Variants in PARD3B observed in about 807,000 individuals in gnomAD.
The protein encoded by PARD3B is par-3 family cell polarity regulator beta, also known as partitioning defective 3 homolog B.
In PARD3B, 103 loss-of-function variants were observed where a neutral mutation model predicts 130.2. That is an observed-to-expected ratio of 0.79 (90% CI 0.67 to 0.93). The LOEUF (loss-of-function observed/expected upper bound fraction) is 0.93, where lower values mean the gene tolerates loss of function less well. PARD3B is among the 40% of genes least tolerant of loss of function. PARD3B has a pLI of 0.00. For synonymous variants in PARD3B, 583 were observed against 553.2 expected (o/e 1.05, Z -0.76); for missense variants, 1,609 against 1,499.2 (o/e 1.07, Z -1.21).
At chr2:205,393,044 T>C (rs940446121) in intron 18 of PARD3B, among the ~76,000 whole-genome samples, 1 of 152,168 alleles carries the variant, frequency 6.6e-6, no homozygotes, top group Non-Finnish European at 1.5e-5. Context: ...AATGGAACCA[T>C]GTGAGATAAA....
At chr2:204,586,763 A>G (rs1477596587) in intron 1 of PARD3B, among the ~76,000 whole-genome samples, 9 of 152,136 alleles carry the variant, frequency 5.9e-5, no homozygotes, top group Admixed American at 1.3e-4. Context: ...TGTTTTTACT[A>G]TTTGGGAGAT....
chr2:205,184,298 A>T (rs1179254443), intron 13 of PARD3B, among the ~76,000 whole-genome samples: 1 of 152,150 alleles, frequency 6.6e-6, no homozygotes, highest in Admixed American at 6.5e-5. Flanking sequence ...AAGGGTAGAG[A>T]TATTTGTCCC....
rs570846523 is a variant in PARD3B, at chr2:204,754,875, T to C, written c.222+68593T>C. Among the ~76,000 whole-genome samples the C allele has an allele frequency of 4.7e-4, 72 of 152,200 alleles. No individual in the cohort carries two copies. The Middle Eastern group carries it at 0.014, about 29-fold the overall frequency. ...TGTGATTAGTTCAAAATATAATGGCTTTATTATTGAGGATTAAAGAGAGAA... is the reference window on the plus strand; with the variant it reads ...TGTGATTAGTTCAAAATATAATGGCCTTATTATTGAGGATTAAAGAGAGAA... On this transcript the variant is annotated intron_variant, in intron 2 of 22. Transcript: ENST00000406610.
chr2:205,489,506 T>C (rs2049590086), intron 20 of PARD3B, among the ~76,000 whole-genome samples: 2 of 144,128 alleles, frequency 1.4e-5, no homozygotes, highest in Admixed American at 7.1e-5. Flanking sequence ...TGTATATATA[T>C]ATACGTATAT....
At chr2:204,867,847 C>G (rs1190878351) in intron 2 of PARD3B, among the ~76,000 whole-genome samples, 5 of 152,126 alleles carry the variant, frequency 3.3e-5, no homozygotes, top group African/African-American at 9.7e-5. Flanking sequence ...TAATCTTTAA[C>G]TGTTCTTTAA....
chr2:205,139,861 G>T (rs1327491537), intron 10 of PARD3B, among the ~76,000 whole-genome samples: 1 of 152,088 alleles, frequency 6.6e-6, no homozygotes, highest in Non-Finnish European at 1.5e-5. Context: ...AAGGCAAAAA[G>T]CTGCAAACAA....
At chr2:204,971,469 C>T (rs1333041660) in intron 3 of PARD3B, among the ~76,000 whole-genome samples, 2 of 152,180 alleles carry the variant, frequency 1.3e-5, no homozygotes, top group African/African-American at 4.8e-5. Flanking sequence ...TAAAATTACC[C>T]AGAGTTAAAA....
chr2:205,342,907 A>T (rs1227816284), intron 18 of PARD3B, among the ~76,000 whole-genome samples: 1 of 152,180 alleles, frequency 6.6e-6, no homozygotes, highest in East Asian at 1.9e-4. Context: ...CTTTTCTGGA[A>T]TCTCTTTTGT....
chr2:204,878,450 A>G (rs974989560), intron 2 of PARD3B, among the ~76,000 whole-genome samples: 19 of 152,160 alleles, frequency 1.2e-4, no homozygotes, highest in African/African-American at 3.9e-4. Context: ...CTAATCTTAA[A>G]TGGATTCTTT....
chr2:204,791,865 T>C (rs2042217015), intron 2 of PARD3B, among the ~76,000 whole-genome samples: 1 of 152,216 alleles, frequency 6.6e-6, no homozygotes, highest in South Asian at 2.1e-4. Context: ...ACTATTTCTA[T>C]TTGCCTATGT....
intron 18 of PARD3B, among the ~76,000 whole-genome samples, chr2:205,398,436 A>G (rs1417123216): frequency 6.6e-6 from 1 of 152,244 alleles, no homozygotes; most frequent in Non-Finnish European, 1.5e-5. Context: ...AAAGAGAGAA[A>G]AGGACAAAAA....
At chr2:204,674,296 G>C (rs575207114) in intron 1 of PARD3B, among the ~76,000 whole-genome samples, 72 of 152,200 alleles carry the variant, frequency 4.7e-4, no homozygotes, top group African/African-American at 1.7e-3. Flanking sequence ...TCTGAGTAGG[G>C]GATACTTGAG....
intron 21 of PARD3B, among the ~76,000 whole-genome samples, chr2:205,502,116 G>A (rs76481312): frequency 0.019 from 2,892 of 152,096 alleles, 94 homozygotes; most frequent in African/African-American, 0.064. Flanking sequence ...CTCTCCCCAC[G>A]CCAAGGAAAA....
At chr2:204,990,260 A>ATT (rs564501086) in intron 3 of PARD3B, among the ~76,000 whole-genome samples, 10 of 143,764 alleles carry the variant, frequency 7.0e-5, no homozygotes, top group Middle Eastern at 3.6e-3. Context: ...CTTTAAAAAC[A>ATT]TTTTTTTTTT....
intron 15 of PARD3B, among the ~76,000 whole-genome samples, chr2:205,228,353 G>T (rs2038668644): frequency 6.6e-6 from 1 of 152,040 alleles, no homozygotes; most frequent in Non-Finnish European, 1.5e-5. Context: ...ACGTTTGAAG[G>T]ATATTTATGC....
chr2:204,596,352 G>T (rs2033288974), intron 1 of PARD3B, among the ~76,000 whole-genome samples: 1 of 151,784 alleles, frequency 6.6e-6, no homozygotes, highest in Non-Finnish European at 1.5e-5. Flanking sequence ...TTCCTATTTT[G>T]TTCCTATTTG....
chr2:205,408,240 T>C (rs936337095), intron 19 of PARD3B, among the ~76,000 whole-genome samples: 2 of 152,194 alleles, frequency 1.3e-5, no homozygotes, highest in Non-Finnish European at 2.9e-5. Context: ...GTGTTTTTGA[T>C]ATTTGGCAAA....
intron 2 of PARD3B, among the ~76,000 whole-genome samples, chr2:204,720,561 A>G (rs1003407239): frequency 3.3e-5 from 5 of 152,180 alleles, no homozygotes; most frequent in Non-Finnish European, 7.4e-5. Flanking sequence ...GTTGAAAAAG[A>G]AAGGATAAAT....
At chr2:205,337,618 G>A (rs1379506875) in intron 18 of PARD3B, among the ~76,000 whole-genome samples, 1 of 152,166 alleles carries the variant, frequency 6.6e-6, no homozygotes, top group Non-Finnish European at 1.5e-5. Context: ...CTTTTGGTTT[G>A]CATATTAAAT....
Sources: allele counts gnomAD v4.1 joint callset (sites outside exome capture counted in the v4.1 genomes callset), GRCh38; gene constraint gnomAD v4.1.1; transcripts MANE v1.5; gene names NCBI Gene and HGNC (gene_info 2026-07-23, HGNC 2026-07-21).